CLOCK: variants seen among roughly 807,000 people sequenced by gnomAD.
CLOCK encodes the protein circadian locomoter output cycles protein kaput.
In CLOCK, 43 loss-of-function variants were observed where a neutral mutation model predicts 118.4. The ratio of observed to expected loss-of-function variants is 0.36; its 90% CI spans 0.28 to 0.47. The LOEUF (loss-of-function observed/expected upper bound fraction) is 0.47, where lower values mean the gene tolerates loss of function less well. Ranked by LOEUF, CLOCK falls within the 20% of genes least tolerant of loss-of-function variation. The probability of loss-of-function intolerance (pLI) is 1.00; values close to 1 mark genes in which losing one functional copy is unlikely to be tolerated. For missense variants in CLOCK, 846 were observed against 999.9 expected (o/e 0.85, Z 2.08); for synonymous variants, 326 against 339.2 (o/e 0.96, Z 0.43).
At chr4:55,443,580 T>G (rs1723546450) in intron 20 of CLOCK, 107 bp downstream of exon 20, 1 of 886,408 alleles carries the variant, frequency 1.1e-6, no homozygotes, top group African/African-American at 1.7e-5. Flanking sequence ...TAAATACTAT[T>G]AAATTTTGAA....
At chr4:55,533,796 G>C (rs910117746) in intron 1 of CLOCK, among the ~76,000 whole-genome samples, 1 of 152,062 alleles carries the variant, frequency 6.6e-6, no homozygotes, top group South Asian at 2.1e-4. Context: ...CCAGCTACTC[G>C]GGAGGCTGAG....
chr4:55,526,658 A>G (rs963715101), intron 1 of CLOCK, among the ~76,000 whole-genome samples: 1 of 152,022 alleles, frequency 6.6e-6, no homozygotes, highest in Non-Finnish European at 1.5e-5. Context: ...AAGGAAAAAA[A>G]AAGCTCTAGG....
At chr4:55,514,111 T>C (rs1043393235) in intron 1 of CLOCK, among the ~76,000 whole-genome samples, 1 of 152,120 alleles carries the variant, frequency 6.6e-6, no homozygotes, top group Admixed American at 6.5e-5. Context: ...CATTTTTTTA[T>C]CTTACTGCAT....
intron 1 of CLOCK, among the ~76,000 whole-genome samples, chr4:55,539,404 C>T (rs1336068990): frequency 1.3e-5 from 2 of 151,442 alleles, no homozygotes; most frequent in African/African-American, 2.4e-5. Flanking sequence ...CAAGACCCCG[C>T]CTATACAAAA....
intron 2 of CLOCK, among the ~76,000 whole-genome samples, chr4:55,492,201 T>C (rs1044029233): frequency 3.3e-5 from 5 of 152,134 alleles, no homozygotes; most frequent in African/African-American, 1.2e-4. Context: ...CATGACCAGG[T>C]GGTATTTATC....
At chr4:55,462,421 G>C (rs529193512) in intron 9 of CLOCK, among the ~76,000 whole-genome samples, 6 of 152,210 alleles carry the variant, frequency 3.9e-5, no homozygotes, top group African/African-American at 1.4e-4. Flanking sequence ...CAAGTAGCTG[G>C]GACTACAGGC....
rs934765296 is a variant in CLOCK, at chr4:55,479,491, C to T, written c.107+149G>A. Reference sequence around the variant, plus strand: ...CAGAAGATATTTAATTTATAAACTACATACCAATATTCTAAGTTCTTCCAC... The same window carrying T: ...CAGAAGATATTTAATTTATAAACTATATACCAATATTCTAAGTTCTTCCAC... On this transcript the variant is annotated intron_variant, in intron 5 of 22. Transcript: ENST00000513440. The T allele has an allele frequency of 2.3e-5, 15 of 651,002 alleles. No homozygotes were observed. The African/African-American group carries it at 2.4e-4, about 10-fold the overall frequency. The allele number at this position is 651,002 out of a possible 1,614,324, so 40.3% of individuals were successfully genotyped here.
chr4:55,450,053 A>C (rs1373911950), intron 16 of CLOCK, 38 bp downstream of exon 16: 1 of 1,611,144 alleles, frequency 6.2e-7, no homozygotes, highest in African/African-American at 1.3e-5. Flanking sequence ...TTAGTTAGTT[A>C]CTTTAAAGGA....
chr4:55,503,929 T>C (rs1352189945), intron 2 of CLOCK, among the ~76,000 whole-genome samples: 1 of 141,072 alleles, frequency 7.1e-6, no homozygotes, highest in Non-Finnish European at 1.5e-5. Flanking sequence ...TTTTTCTTTA[T>C]TACATTCCAG....
At position 55,440,988 on chromosome 4, in the gene CLOCK, C is replaced by CAA. The variant is rs558779731; in HGVS notation, c.2105+1442_2105+1443dup. On this transcript the variant is annotated intron_variant, in intron 21 of 22. Transcript: ENST00000513440. ...TACAAAAACAAAACAAAACAAAACA[C>CAA]AACACAACAAAAAACTGCTCACTTC... Among the ~76,000 whole-genome samples the CAA allele has an allele frequency of 5.3e-3, 764 of 144,770 alleles. 4 individuals carry two copies. Among genetic ancestry groups the CAA allele is most frequent in the African/African-American group, 0.017 (705 of 40,776 alleles). 95.0% of individuals were successfully genotyped at this position (144,770 alleles called of 152,430 possible). A position where few individuals can be genotyped will look rare whatever the true frequency, so the allele number is the denominator to read the frequency against.
chr4:55,468,254 C>A (rs554742968), intron 8 of CLOCK, among the ~76,000 whole-genome samples: 85 of 152,048 alleles, frequency 5.6e-4, no homozygotes, highest in African/African-American at 1.7e-3. Context: ...GCCACTGCAC[C>A]CAGAGAGAGG....
chr4:55,442,738 A>G lies in CLOCK; in HGVS notation c.1903-104T>C, dbSNP rs867616320. The G allele has an allele frequency of 3.5e-5, 36 of 1,014,656 alleles. No individual in the cohort carries two copies. The Middle Eastern group carries it at 3.6e-3, about 101-fold the overall frequency. 62.9% of individuals were successfully genotyped at this position (1,014,656 alleles called of 1,614,324 possible). ...AACAATATGACAATATGACAGAGAA[A>G]GAAGTGGCAGGATATATTACTCTGG... On this transcript the variant is annotated intron_variant, in intron 20 of 22. Coordinates refer to ENST00000513440, the MANE Select transcript of CLOCK (RefSeq NM_004898.4).
rs141084076 is a variant in CLOCK at position 55,485,323 on chromosome 4, A to G, written c.-43-2495T>C. ...TCATCTTTCCAGCCAATTGACATAC[A>G]CATTTTACTTAAGGGAAAGGAGTAA... is the stretch of plus-strand genomic sequence containing the variant. On this transcript the variant is annotated intron_variant, in intron 3 of 22. Transcript: ENST00000513440. Among the ~76,000 whole-genome samples, 372 of 152,268 alleles carry G rather than the reference A, an allele frequency of 2.4e-3. 1 individual carries two copies. Among genetic ancestry groups the G allele is most frequent in the African/African-American group, 8.2e-3 (339 of 41,556 alleles).
intron 1 of CLOCK, among the ~76,000 whole-genome samples, chr4:55,516,103 GTT>G (rs1729492468): frequency 6.6e-6 from 1 of 152,104 alleles, no homozygotes; most frequent in East Asian, 1.9e-4. Context: ...TTGTTAAGGT[GTT>G]TTATGGCCCA....
intron 2 of CLOCK, among the ~76,000 whole-genome samples, chr4:55,500,550 T>C (rs142041647): frequency 1.3e-5 from 2 of 152,128 alleles, no homozygotes; most frequent in African/African-American, 2.4e-5. Flanking sequence ...AAGATCTCAT[T>C]ATGTTGCCCA....
chr4:55,475,205 T>C (rs1726424394), intron 7 of CLOCK, among the ~76,000 whole-genome samples: 1 of 152,260 alleles, frequency 6.6e-6, no homozygotes, highest in East Asian at 1.9e-4. Flanking sequence ...AAGATGTCAG[T>C]GAAGGAAGTA....
intron 1 of CLOCK, among the ~76,000 whole-genome samples, chr4:55,513,837 ATATTT>A (rs1453747913): frequency 1.3e-5 from 2 of 151,952 alleles, no homozygotes; most frequent in Non-Finnish European, 2.9e-5. Context: ...TATTTTATAT[ATATTT>A]TATTAGATTT....
Position 55,435,290 on chromosome 4 carries a change from C to G in CLOCK, c.*125G>C. The G allele has an allele frequency of 1.8e-6, 2 of 1,136,208 alleles. No individual in the cohort carries two copies. The highest frequency in any genetic ancestry group is 3.0e-5 in the African/African-American group (2 of 66,008). The allele number at this position is 1,136,208 out of a possible 1,614,324, so 70.4% of individuals were successfully genotyped here. ...TTTCTCTGCCAACTAATTCCAGGAA[C>G]TAGAACACTCAATACTGCATCTCAT... On this transcript the variant is annotated 3_prime_UTR_variant, in exon 23 of 23. Coordinates refer to ENST00000513440, the MANE Select transcript of CLOCK (RefSeq NM_004898.4).
intron 1 of CLOCK, among the ~76,000 whole-genome samples, chr4:55,541,692 T>C (rs538340866): frequency 6.6e-6 from 1 of 152,194 alleles, no homozygotes; most frequent in African/African-American, 2.4e-5. Flanking sequence ...TGATAGGATT[T>C]AATTTCCTAA....
Sources: gnomAD v4.1 joint callset for allele counts (sites outside exome capture counted in the v4.1 genomes callset) on GRCh38, gnomAD v4.1.1 for gene constraint, MANE v1.5 for transcripts, NCBI Gene and HGNC (gene_info 2026-07-23, HGNC 2026-07-21) for gene names.